STAP1: variants seen among roughly 807,000 people sequenced by gnomAD.
STAP1 encodes signal-transducing adaptor protein 1.
STAP1 carries 30 observed loss-of-function variants against 37.8 expected under a neutral mutation model. That is an observed-to-expected ratio of 0.79 (90% CI 0.59 to 1.08). The LOEUF is 1.08. Among genes scored for constraint, STAP1 ranks in the 50% least tolerant of loss-of-function variants. STAP1 has a pLI of 0.00. For synonymous variants in STAP1, 130 were observed against 116.0 expected, an observed-to-expected ratio of 1.12 and a Z score of -0.78; for missense variants, 357 against 349.4, an observed-to-expected ratio of 1.02 and a Z score of -0.17.
intron 8 of STAP1, among the ~76,000 whole-genome samples, chr4:67,603,209 G>T (rs1000933137): frequency 1.3e-5 from 2 of 152,114 alleles, no homozygotes; most frequent in Non-Finnish European, 2.9e-5. Flanking sequence ...TTCACTCAAG[G>T]CCCAAGGGCT....
chr4:67,601,610 T>A (rs1204241333), intron 8 of STAP1, among the ~76,000 whole-genome samples: 1 of 152,224 alleles, frequency 6.6e-6, no homozygotes, highest in Non-Finnish European at 1.5e-5. Context: ...TGAAGGATAT[T>A]TTCACTGGAT....
intron 1 of STAP1, among the ~76,000 whole-genome samples, chr4:67,570,292 T>A (rs1331290424): frequency 2.0e-5 from 3 of 152,226 alleles, no homozygotes; most frequent in Non-Finnish European, 4.4e-5. Flanking sequence ...TATTTTTGTT[T>A]GACTGGAAAT....
chr4:67,590,744 G>GTTTTT (rs1371726625), intron 6 of STAP1, 140 bp from the exon 7 acceptor site: 1 of 341,864 alleles, frequency 2.9e-6, no homozygotes, highest in Non-Finnish European at 4.8e-6. Context: ...AACCACGAAG[G>GTTTTT]ATTTTTTTTT....
intron 1 of STAP1, among the ~76,000 whole-genome samples, chr4:67,559,934 T>C (rs1727295762): frequency 6.6e-6 from 1 of 152,212 alleles, no homozygotes; most frequent in Admixed American, 6.5e-5. Context: ...TATTCTGTTA[T>C]GGATGTTAAA....
At chr4:67,597,878 C>A (rs1560467457) in intron 8 of STAP1, among the ~76,000 whole-genome samples, 1 of 152,098 alleles carries the variant, frequency 6.6e-6, no homozygotes, top group East Asian at 1.9e-4. Context: ...AAGGGACTTG[C>A]CTTGTCTCAT....
intron 8 of STAP1, among the ~76,000 whole-genome samples, chr4:67,596,877 A>G (rs1728237362): frequency 6.6e-6 from 1 of 152,238 alleles, no homozygotes; most frequent in African/African-American, 2.4e-5. Context: ...AAAAGGAAGC[A>G]GAGCATAGAG....
chr4:67,593,691 G>A (rs1728168194), intron 8 of STAP1, among the ~76,000 whole-genome samples: 1 of 152,128 alleles, frequency 6.6e-6, no homozygotes, highest in Admixed American at 6.6e-5. Flanking sequence ...AAACCAAATG[G>A]AATTTAAAGG....
At chr4:67,602,256 T>C (rs1302829942) in intron 8 of STAP1, among the ~76,000 whole-genome samples, 3 of 152,140 alleles carry the variant, frequency 2.0e-5, no homozygotes, top group African/African-American at 7.2e-5. Context: ...CTCTGTGTTT[T>C]CTTGATTTTC....
At chr4:67,574,852 T>C (rs1727683838) in intron 2 of STAP1, among the ~76,000 whole-genome samples, 1 of 152,154 alleles carries the variant, frequency 6.6e-6, no homozygotes, top group Non-Finnish European at 1.5e-5. Flanking sequence ...TAAATCAAGC[T>C]TGATTTGTAA....
Position 67,597,074 on chromosome 4 carries a change from G to A in STAP1, c.826+3718G>A, listed in dbSNP as rs150874724. Among the ~76,000 whole-genome samples, 544 of 152,320 alleles carry A rather than the reference G, an allele frequency of 3.6e-3. 3 individuals are homozygous for A. Among genetic ancestry groups the A allele is most frequent in the African/African-American group, 0.013 (525 of 41,572 alleles). On this transcript the variant is annotated intron_variant, in intron 8 of 8. Coordinates refer to ENST00000265404, the MANE Select transcript of STAP1 (RefSeq NM_012108.4). ...GGCAGCCCCTTTTATCACAGGCCTG[G>A]AGGCCTAGGAGGGAAAAATAGTTTT...
intron 6 of STAP1, among the ~76,000 whole-genome samples, chr4:67,588,353 C>CGATGATGAT (rs35620968): frequency 6.6e-6 from 1 of 150,922 alleles, no homozygotes; most frequent in Non-Finnish European, 1.5e-5. Context: ...ACGACGACGA[C>CGATGATGAT]GATGATGATG....
chr4:67,595,500 C>T (rs1178308274), intron 8 of STAP1, among the ~76,000 whole-genome samples: 2 of 151,298 alleles, frequency 1.3e-5, no homozygotes, highest in Admixed American at 6.6e-5. Context: ...TGTCAATGCA[C>T]AATGTGAAAG....
chr4:67,592,374 G>C (rs2109872470), intron 7 of STAP1, among the ~76,000 whole-genome samples: 1 of 152,272 alleles, frequency 6.6e-6, no homozygotes, highest in South Asian at 2.1e-4. Flanking sequence ...TTTAGGGGTA[G>C]AGACACATTT....
chr4:67,595,685 T>A (rs1164849340), intron 8 of STAP1, among the ~76,000 whole-genome samples: 2 of 152,210 alleles, frequency 1.3e-5, no homozygotes, highest in African/African-American at 2.4e-5. Context: ...TCGTAGTAAT[T>A]CTTGAAATTA....
Position 67,604,666 on chromosome 4 carries a change from T to A in STAP1, c.827-1630T>A, listed in dbSNP as rs1389583353. On this transcript the variant is annotated intron_variant, in intron 8 of 8. Transcript: ENST00000265404. The stretch of plus-strand genomic sequence containing the variant: ...GGAATTGGTCAAATTCCTTCTTTTG[T>A]ATATCAAGTAATTCCTGGTTTTTCA... 5.9e-5 allele frequency among the ~76,000 whole-genome samples: 9 copies of A among 152,368 alleles called. No homozygotes were observed. In the East Asian group the frequency reaches 1.7e-3, roughly 29 times the overall value.
chr4:67,579,780 C>T (rs1727808687), intron 4 of STAP1, among the ~76,000 whole-genome samples: 1 of 152,168 alleles, frequency 6.6e-6, no homozygotes. Flanking sequence ...CCACCAGGCC[C>T]CACCTCCAAC....
chr4:67,560,643 G>GGGGTGTGTGTGTGTGT (rs370510074), intron 1 of STAP1, among the ~76,000 whole-genome samples: 1 of 149,490 alleles, frequency 6.7e-6, no homozygotes, highest in Non-Finnish European at 1.5e-5. Context: ...TGTGTGTGTG[G>GGGGTGTGTGTGTGTGT]GTGTGTGTCT....
At chr4:67,588,600 G>A (rs992278035) in intron 6 of STAP1, among the ~76,000 whole-genome samples, 11 of 151,958 alleles carry the variant, frequency 7.2e-5, no homozygotes, top group South Asian at 2.1e-4. Context: ...TAGGAGAGAC[G>A]GGGTTTCACC....
chr4:67,582,793 C>G (rs1727893588), intron 5 of STAP1, among the ~76,000 whole-genome samples: 1 of 152,168 alleles, frequency 6.6e-6, no homozygotes, highest in African/African-American at 2.4e-5. Context: ...TACAACCATT[C>G]TGTTTTTCAC....
Sources: gnomAD v4.1 joint callset for allele counts (sites outside exome capture counted in the v4.1 genomes callset) on GRCh38, gnomAD v4.1.1 for gene constraint, MANE v1.5 for transcripts, NCBI Gene and HGNC (gene_info 2026-07-23, HGNC 2026-07-21) for gene names.